CHCHD6: variants seen among roughly 807,000 people sequenced by gnomAD.
CHCHD6 encodes the protein coiled-coil-helix-coiled-coil-helix domain containing 6, also known as MICOS complex subunit MIC25.
Under a neutral mutation model 32.3 loss-of-function variants are expected in CHCHD6, and 28 were observed. The ratio of observed to expected loss-of-function variants is 0.87; its 90% CI spans 0.64 to 1.19. The LOEUF is 1.19. CHCHD6 is among the 50% of genes most tolerant of loss of function. The probability of loss-of-function intolerance (pLI) is 0.00; values close to 1 mark genes in which losing one functional copy is unlikely to be tolerated. For missense variants in CHCHD6, 333 were observed against 307.0 expected (o/e 1.08, Z -0.63); for synonymous variants, 122 against 117.5 (o/e 1.04, Z -0.25).
intron 5 of CHCHD6, among the ~76,000 whole-genome samples, chr3:126,885,214 G>A (rs376496500): frequency 4.6e-5 from 7 of 152,226 alleles, no homozygotes; most frequent in African/African-American, 7.2e-5. Context: ...TCCAGTCAAC[G>A]TGGGCCTCCT....
chr3:126,883,817 A>T (rs1461452250), intron 5 of CHCHD6, among the ~76,000 whole-genome samples: 1 of 152,226 alleles, frequency 6.6e-6, no homozygotes, highest in East Asian at 1.9e-4. Context: ...GTATTTGTGG[A>T]TATGAAAATA....
intron 5 of CHCHD6, among the ~76,000 whole-genome samples, chr3:126,896,592 C>CA (rs765317617): frequency 3.3e-5 from 5 of 152,230 alleles, no homozygotes; most frequent in Non-Finnish European, 7.3e-5. Flanking sequence ...ACTGGCCACT[C>CA]ACTTCTTGGT....
At chr3:126,869,978 G>A (rs990452087) in intron 5 of CHCHD6, among the ~76,000 whole-genome samples, 5 of 152,268 alleles carry the variant, frequency 3.3e-5, no homozygotes, top group Non-Finnish European at 4.4e-5. Flanking sequence ...ATGTTTTCCT[G>A]TTGTCTCCCC....
intron 5 of CHCHD6, among the ~76,000 whole-genome samples, chr3:126,853,020 A>G (rs1559881658): frequency 6.6e-6 from 1 of 152,212 alleles, no homozygotes; most frequent in African/African-American, 2.4e-5. Context: ...AAAAAAATTC[A>G]CTTTCACCAC....
At chr3:126,784,218 C>G (rs1171672818) in intron 4 of CHCHD6, among the ~76,000 whole-genome samples, 1 of 152,134 alleles carries the variant, frequency 6.6e-6, no homozygotes, top group Non-Finnish European at 1.5e-5. Context: ...CATAAGAAAC[C>G]CAGGCTTCTA....
chr3:126,803,209 T>A (rs1939174240), intron 4 of CHCHD6, among the ~76,000 whole-genome samples: 1 of 151,576 alleles, frequency 6.6e-6, no homozygotes, highest in South Asian at 2.1e-4. Flanking sequence ...AATTCACACA[T>A]AACAATATTA....
intron 4 of CHCHD6, among the ~76,000 whole-genome samples, chr3:126,814,722 TAAA>T (rs1209024450): frequency 6.6e-6 from 1 of 152,132 alleles, no homozygotes; most frequent in Non-Finnish European, 1.5e-5. Flanking sequence ...TCCCTTATAA[TAAA>T]CCAGGAAATG....
chr3:126,834,695 C>A (rs1462416896), intron 4 of CHCHD6, among the ~76,000 whole-genome samples: 1 of 152,098 alleles, frequency 6.6e-6, no homozygotes, highest in Admixed American at 6.6e-5. Flanking sequence ...GGGTGCCTAT[C>A]CCTGGCTACT....
At chr3:126,720,062 G>A (rs2001975) in intron 1 of CHCHD6, among the ~76,000 whole-genome samples, 3,719 of 152,176 alleles carry the variant, frequency 0.024, 136 homozygotes, top group African/African-American at 0.079. Context: ...TGTATTTTTA[G>A]TAGAGACGTG....
intron 4 of CHCHD6, among the ~76,000 whole-genome samples, chr3:126,851,004 T>G (rs1941456065): frequency 6.6e-6 from 1 of 152,164 alleles, no homozygotes; most frequent in Non-Finnish European, 1.5e-5. Context: ...TGCCTGGGGA[T>G]CCAGGTTACT....
chr3:126,722,017 C>A (rs1362658752), intron 1 of CHCHD6, among the ~76,000 whole-genome samples: 1 of 152,154 alleles, frequency 6.6e-6, no homozygotes, highest in African/African-American at 2.4e-5. Flanking sequence ...TGGGTCCTTT[C>A]CATTTTTTGG....
At chr3:126,728,792 G>T (rs1935655413) in intron 2 of CHCHD6, among the ~76,000 whole-genome samples, 2 of 152,222 alleles carry the variant, frequency 1.3e-5, no homozygotes, top group South Asian at 4.1e-4. Flanking sequence ...AGTTTAGAAA[G>T]CAAGAACAGT....
chr3:126,920,516 C>T (rs1027071330), intron 6 of CHCHD6, among the ~76,000 whole-genome samples: 19 of 152,102 alleles, frequency 1.2e-4, no homozygotes, highest in African/African-American at 4.1e-4. Flanking sequence ...CTCGGCTCTG[C>T]GAGACTTCTG....
At chr3:126,790,555 C>A (rs915779639) in intron 4 of CHCHD6, among the ~76,000 whole-genome samples, 3 of 152,122 alleles carry the variant, frequency 2.0e-5, no homozygotes, top group African/African-American at 7.2e-5. Flanking sequence ...CTTCTCTTCT[C>A]GCTTCATTTC....
chr3:126,852,857 C>T, intron 5 of CHCHD6, 127 bp downstream of exon 5: 5 of 652,818 alleles, frequency 7.7e-6, no homozygotes, highest in Non-Finnish European at 1.4e-5. Flanking sequence ...ATGCCAGTCA[C>T]TCCTTGGACA....
Position 126,774,605 on chromosome 3 carries a change from C to T in CHCHD6, c.411+41383C>T, listed in dbSNP as rs148097203. On this transcript the variant is annotated intron_variant, in intron 4 of 7. Coordinates refer to ENST00000290913, the MANE Select transcript of CHCHD6 (RefSeq NM_032343.3). ...TTACTGCTCCCCAAGTGATCTCCACCGACAGGGAAGGCCTCACCACGCTTG... is the reference window on the plus strand; with the variant it reads ...TTACTGCTCCCCAAGTGATCTCCACTGACAGGGAAGGCCTCACCACGCTTG... Among the ~76,000 whole-genome samples the T allele has an allele frequency of 1.8e-3, 267 of 152,254 alleles. 1 individual carries two copies. The highest frequency in any genetic ancestry group is 6.1e-3 in the African/African-American group (255 of 41,542).
chr3:126,881,909 T>G (rs761427928), intron 5 of CHCHD6, among the ~76,000 whole-genome samples: 1 of 152,206 alleles, frequency 6.6e-6, no homozygotes, highest in Non-Finnish European at 1.5e-5. Flanking sequence ...TGCTACTATT[T>G]GTAAAAAGCA....
At chr3:126,780,728 C>T (rs1318023753) in intron 4 of CHCHD6, among the ~76,000 whole-genome samples, 1 of 152,154 alleles carries the variant, frequency 6.6e-6, no homozygotes, top group African/African-American at 2.4e-5. Context: ...AGAGGCTGTG[C>T]TTCAGGGTAA....
intron 6 of CHCHD6, among the ~76,000 whole-genome samples, chr3:126,946,067 G>C (rs1424867357): frequency 1.3e-5 from 2 of 152,106 alleles, no homozygotes; most frequent in East Asian, 3.9e-4. Context: ...GCCCCACACA[G>C]AGCAGGGTTG....
Sources: allele counts gnomAD v4.1 joint callset (sites outside exome capture counted in the v4.1 genomes callset), GRCh38; gene constraint gnomAD v4.1.1; transcripts MANE v1.5; gene names NCBI Gene and HGNC (gene_info 2026-07-23, HGNC 2026-07-21).